Variants in RANBP2 observed in about 807,000 individuals in gnomAD.
The protein encoded by RANBP2 is E3 SUMO-protein ligase RanBP2.
A neutral mutation model predicts 303.6 loss-of-function variants in RANBP2; 57 were observed. The observed-to-expected ratio is 0.19, with a 90% CI of 0.15 to 0.23. The LOEUF is 0.23. RANBP2 is among the 10% of genes least tolerant of loss of function. RANBP2 has a pLI of 1.00. For synonymous variants in RANBP2, 1,167 were observed against 1,301.5 expected (o/e 0.90, Z 2.23); for missense variants, 3,138 against 3,780.8 (o/e 0.83, Z 4.46).
intron 17 of RANBP2, 44 bp downstream of exon 17, chr2:108,755,303 T>G: frequency 6.2e-7 from 1 of 1,611,066 alleles, no homozygotes; most frequent in Non-Finnish European, 8.5e-7. Context: ...ATTCCAAGAT[T>G]CCTTCCCTGG....
At chr2:109,704,319 G>A in the RANBP2 span, among the ~76,000 whole-genome samples, 1 of 152,006 alleles carries the variant, frequency 6.6e-6, no homozygotes, top group Non-Finnish European at 1.5e-5. Context: ...AGGCCGAGGT[G>A]GAAGGATCAC....
the RANBP2 span, among the ~76,000 whole-genome samples, chr2:108,909,552 G>C: frequency 8.8e-3 from 1,343 of 152,278 alleles, 23 homozygotes; most frequent in African/African-American, 0.031. Flanking sequence ...ATCTGCCAAG[G>C]GAGGCACTGT....
At chr2:109,551,052 G>A in the RANBP2 span, among the ~76,000 whole-genome samples, 30 of 152,158 alleles carry the variant, frequency 2.0e-4, no homozygotes, top group Admixed American at 3.3e-4. Flanking sequence ...TAGGAAATCC[G>A]TCTGTCATAT....
the RANBP2 span, among the ~76,000 whole-genome samples, chr2:109,171,753 G>C: frequency 0.82 from 124,893 of 152,294 alleles, 51,338 homozygotes; most frequent in East Asian, 0.89. Context: ...TGGTGCCCAC[G>C]CTGGCTGGCT....
the RANBP2 span, among the ~76,000 whole-genome samples, chr2:109,400,572 TGCGC>T: frequency 9.0e-6 from 1 of 111,388 alleles, no homozygotes; most frequent in African/African-American, 2.9e-5. Context: ...TACACACCTG[TGCGC>T]ACACACACAC....
the RANBP2 span, among the ~76,000 whole-genome samples, chr2:109,334,593 C>G: frequency 6.6e-6 from 1 of 152,104 alleles, no homozygotes; most frequent in Non-Finnish European, 1.5e-5. Context: ...GTGAGGCAGC[C>G]ACAGTGTCCA....
chr2:109,025,706 G>A, the RANBP2 span, among the ~76,000 whole-genome samples: 1 of 151,604 alleles, frequency 6.6e-6, no homozygotes, highest in Non-Finnish European at 1.5e-5. Context: ...GCTGAGGCAG[G>A]AGAATGGCGT....
At chr2:109,604,832 T>G in the RANBP2 span, 1 of 152,154 alleles carries the variant, frequency 6.6e-6, no homozygotes, top group Non-Finnish European at 1.5e-5. Flanking sequence ...CAAGGAGGCT[T>G]ACATGTAAAT....
chr2:108,864,326 T>C, the RANBP2 span, among the ~76,000 whole-genome samples: 1 of 152,208 alleles, frequency 6.6e-6, no homozygotes, highest in African/African-American at 2.4e-5. Context: ...CTATTTAACT[T>C]AAGGAATTAT....
the RANBP2 span, among the ~76,000 whole-genome samples, chr2:109,422,394 T>G: frequency 6.6e-6 from 1 of 152,188 alleles, no homozygotes; most frequent in African/African-American, 2.4e-5. Context: ...CCCTTGAGAT[T>G]AAGAGGCCTA....
the RANBP2 span, among the ~76,000 whole-genome samples, chr2:109,727,177 A>G: frequency 2.6e-5 from 4 of 152,346 alleles, no homozygotes; most frequent in South Asian, 8.3e-4. Flanking sequence ...CTATGACAAG[A>G]AAACAAGCAA....
At chr2:109,078,247 G>GTATATA in the RANBP2 span, among the ~76,000 whole-genome samples, 240 of 56,396 alleles carry the variant, frequency 4.3e-3, 17 homozygotes, top group East Asian at 0.034. Flanking sequence ...TATATAGCGT[G>GTATATA]TATATATATA....
the RANBP2 span, among the ~76,000 whole-genome samples, chr2:109,561,186 G>A: frequency 6.6e-6 from 1 of 152,126 alleles, no homozygotes; most frequent in African/African-American, 2.4e-5. Flanking sequence ...GTACTGCAGT[G>A]AACTGATCTT....
the RANBP2 span, among the ~76,000 whole-genome samples, chr2:109,707,387 A>G: frequency 6.6e-6 from 1 of 152,178 alleles, no homozygotes; most frequent in Admixed American, 6.5e-5. Flanking sequence ...TCCCCAACTC[A>G]TCCTCAAGAA....
chr2:109,181,005 TA>T, the RANBP2 span, among the ~76,000 whole-genome samples: 1 of 152,192 alleles, frequency 6.6e-6, no homozygotes, highest in Non-Finnish European at 1.5e-5. Flanking sequence ...CAATCCTACT[TA>T]CCAATTTTCC....
At chr2:109,354,208 T>C in the RANBP2 span, among the ~76,000 whole-genome samples, 1 of 152,174 alleles carries the variant, frequency 6.6e-6, no homozygotes, top group Non-Finnish European at 1.5e-5. Context: ...GGGCCCTGTG[T>C]GTGTGGCTGA....
At chr2:109,526,582 G>T in the RANBP2 span, among the ~76,000 whole-genome samples, 1 of 152,178 alleles carries the variant, frequency 6.6e-6, no homozygotes, top group Non-Finnish European at 1.5e-5. Context: ...AAAGTGCTCG[G>T]ATTACAGGTG....
chr2:109,522,027 G>A, the RANBP2 span, among the ~76,000 whole-genome samples: 8,325 of 152,140 alleles, frequency 0.055, 683 homozygotes, highest in East Asian at 0.24. Context: ...ACTCCACAAC[G>A]GCAGCGTTTT....
At chr2:109,185,995 A>T in the RANBP2 span, among the ~76,000 whole-genome samples, 1 of 152,304 alleles carries the variant, frequency 6.6e-6, no homozygotes, top group South Asian at 2.1e-4. Context: ...AGCACATTTC[A>T]TACCATTCTC....
Sources: gnomAD v4.1 joint callset for allele counts (sites outside exome capture counted in the v4.1 genomes callset) on GRCh38, gnomAD v4.1.1 for gene constraint, MANE v1.5 for transcripts, NCBI Gene and HGNC (gene_info 2026-07-23, HGNC 2026-07-21) for gene names.